The following ANKS1B variants were observed in gnomAD, a reference collection of about 807,000 sequenced individuals.
The protein encoded by ANKS1B is ankyrin repeat and sterile alpha motif domain containing 1B, also known as ankyrin repeat and sterile alpha motif domain-containing protein 1B.
In ANKS1B, 36 loss-of-function variants were observed where a neutral mutation model predicts 148.3. The observed-to-expected ratio is 0.24, with a 90% CI of 0.19 to 0.32. ANKS1B has a LOEUF of 0.32. ANKS1B is among the 10% of genes least tolerant of loss of function. ANKS1B has a pLI of 1.00. For synonymous variants in ANKS1B, 542 were observed against 560.8 expected, an observed-to-expected ratio of 0.97 and a Z score of 0.47; for missense variants, 1,157 against 1,542.6, an observed-to-expected ratio of 0.75 and a Z score of 4.19.
At chr12:99,668,494 T>C (rs2098520574) in intron 8 of ANKS1B, among the ~76,000 whole-genome samples, 2 of 152,252 alleles carry the variant, frequency 1.3e-5, no homozygotes, top group South Asian at 2.1e-4. Flanking sequence ...CTGAATTCTA[T>C]GAGACTCCTA....
intron 11 of ANKS1B, among the ~76,000 whole-genome samples, chr12:99,426,745 G>A (rs774527220): frequency 3.9e-5 from 6 of 152,124 alleles, no homozygotes; most frequent in Non-Finnish European, 5.9e-5. Flanking sequence ...AGAAAGCATA[G>A]CAGAAGGGCT....
intron 1 of ANKS1B, among the ~76,000 whole-genome samples, chr12:99,853,129 C>T (rs73145454): frequency 0.14 from 21,273 of 152,020 alleles, 1,966 homozygotes; most frequent in Non-Finnish European, 0.21. Flanking sequence ...GTTTCTCTAC[C>T]CACACTGGTA....
chr12:99,260,591 C>T (rs1838192894), intron 12 of ANKS1B, among the ~76,000 whole-genome samples: 1 of 152,084 alleles, frequency 6.6e-6, no homozygotes, highest in Admixed American at 6.5e-5. Context: ...TGTTTTAAAT[C>T]AACTTTGCTG....
intron 8 of ANKS1B, among the ~76,000 whole-genome samples, chr12:99,662,966 T>G (rs1599111179): frequency 6.6e-6 from 1 of 152,278 alleles, no homozygotes; most frequent in Non-Finnish European, 1.5e-5. Context: ...CACACTAGGA[T>G]ACATCTTATC....
intron 17 of ANKS1B, among the ~76,000 whole-genome samples, chr12:98,930,125 A>T (rs1567843726): frequency 6.6e-6 from 1 of 152,106 alleles, no homozygotes; most frequent in Non-Finnish European, 1.5e-5. Flanking sequence ...AATGGGCAAA[A>T]GATTTGAATA....
chr12:99,330,615 G>T (rs1230597854), intron 12 of ANKS1B, among the ~76,000 whole-genome samples: 2 of 151,992 alleles, frequency 1.3e-5, no homozygotes, highest in East Asian at 3.9e-4. Flanking sequence ...ATGGCTGCAG[G>T]TGTTTTACAA....
chr12:99,751,142 C>CCAG (rs10700375), intron 8 of ANKS1B, among the ~76,000 whole-genome samples: 66,064 of 151,278 alleles, frequency 0.44, 14,774 homozygotes, highest in South Asian at 0.61. Flanking sequence ...TTGCTTAATC[C>CCAG]CAGATTCTAA....
chr12:99,688,965 A>T (rs754937624), intron 8 of ANKS1B, among the ~76,000 whole-genome samples: 2 of 152,048 alleles, frequency 1.3e-5, no homozygotes, highest in African/African-American at 4.8e-5. Context: ...CATTGTGTAT[A>T]AAAAAATTAC....
chr12:99,657,078 A>G (rs1358487065), intron 8 of ANKS1B, among the ~76,000 whole-genome samples: 1 of 151,914 alleles, frequency 6.6e-6, no homozygotes, highest in African/African-American at 2.4e-5. Flanking sequence ...TACAATAATA[A>G]TAACAACTGT....
chr12:99,634,297 A>T (rs1252162208), intron 9 of ANKS1B, among the ~76,000 whole-genome samples: 5 of 152,084 alleles, frequency 3.3e-5, no homozygotes, highest in African/African-American at 1.2e-4. Context: ...AAGAAGAGGA[A>T]GAGAGACCTG....
chr12:99,427,417 C>G (rs1331975456), intron 11 of ANKS1B, among the ~76,000 whole-genome samples: 3 of 152,174 alleles, frequency 2.0e-5, no homozygotes, highest in African/African-American at 7.2e-5. Flanking sequence ...ATTTCCCTGC[C>G]TGGAACATTC....
intron 2 of ANKS1B, among the ~76,000 whole-genome samples, chr12:99,818,975 C>T (rs1252347716): frequency 6.6e-6 from 1 of 151,798 alleles, no homozygotes; most frequent in East Asian, 1.9e-4. Context: ...GCAAGATTCC[C>T]TGTAATTAAA....
chr12:99,656,693 T>C (rs1408433793), intron 8 of ANKS1B, among the ~76,000 whole-genome samples: 1 of 152,050 alleles, frequency 6.6e-6, no homozygotes, highest in Non-Finnish European at 1.5e-5. Flanking sequence ...CATGAAAATT[T>C]GCAGAAACTG....
chr12:99,869,598 T>C (rs2091221389), intron 1 of ANKS1B, among the ~76,000 whole-genome samples: 1 of 151,920 alleles, frequency 6.6e-6, no homozygotes, highest in South Asian at 2.1e-4. Context: ...GGAGAATCAC[T>C]TGAACCCGAG....
chr12:98,855,812 T>C (rs1234044753), intron 17 of ANKS1B, among the ~76,000 whole-genome samples: 1 of 148,144 alleles, frequency 6.8e-6, no homozygotes, highest in Non-Finnish European at 1.5e-5. Context: ...GTCCTTGTTG[T>C]CCTTCTCCCT....
At chr12:99,269,282 A>G (rs930774984) in intron 12 of ANKS1B, among the ~76,000 whole-genome samples, 10 of 152,164 alleles carry the variant, frequency 6.6e-5, no homozygotes, top group Admixed American at 5.9e-4. Flanking sequence ...TATTATTTTC[A>G]TGGTTACATT....
chr12:99,769,240 C>T (rs1287563788), intron 8 of ANKS1B, among the ~76,000 whole-genome samples: 1 of 152,090 alleles, frequency 6.6e-6, no homozygotes, highest in Non-Finnish European at 1.5e-5. Flanking sequence ...AAGATCTTGG[C>T]TGATTTTTGG....
intron 12 of ANKS1B, among the ~76,000 whole-genome samples, chr12:99,374,571 G>GTATA (rs2093306790): frequency 6.6e-6 from 1 of 152,254 alleles, no homozygotes; most frequent in Admixed American, 6.5e-5. Context: ...TTAAATGTAT[G>GTATA]TATAGTTCAC....
intron 1 of ANKS1B, among the ~76,000 whole-genome samples, chr12:99,901,636 T>C (rs1048084539): frequency 3.3e-5 from 5 of 152,172 alleles, no homozygotes; most frequent in East Asian, 1.9e-4. Context: ...TCTCAGTCCA[T>C]GTAGACTGGA....
Sources: allele counts gnomAD v4.1 joint callset (sites outside exome capture counted in the v4.1 genomes callset), GRCh38; gene constraint gnomAD v4.1.1; transcripts MANE v1.5; gene names NCBI Gene and HGNC (gene_info 2026-07-23, HGNC 2026-07-21).